Variants in BPIFB3 observed in about 807,000 individuals in gnomAD.
The protein encoded by BPIFB3 is BPI fold-containing family B member 3.
Under a neutral mutation model 53.1 loss-of-function variants are expected in BPIFB3, and 49 were observed. The ratio of observed to expected loss-of-function variants is 0.92; its 90% confidence interval spans 0.73 to 1.17. BPIFB3 has a LOEUF of 1.17. Among genes scored for constraint, BPIFB3 ranks in the 50% most tolerant of loss-of-function variants. The pLI, the probability that BPIFB3 is intolerant of heterozygous loss-of-function variation, is 0.00. For missense variants in BPIFB3, 628 were observed against 592.5 expected, an observed-to-expected ratio of 1.06 and a Z score of -0.62; for synonymous variants, 271 against 269.6, an observed-to-expected ratio of 1.01 and a Z score of -0.05.
In BPIFB3 at chr20:33,055,445, C is replaced by T. The variant is rs748321687; in HGVS notation, c.22C>T (p.Leu8=). Residue 8 remains leucine (L), a synonymous_variant, in exon 1 of 15, where the codon CTG becomes TTG. Coordinates refer to ENST00000375494, the Ensembl canonical transcript of BPIFB3. ...AGGCATGCAGCCAGTCATGCTGGCC[C>T]TGTGGTCCCTGCTTCTGCTCTGGGG... 5 of 1,613,702 alleles carry T rather than the reference C, an allele frequency of 3.1e-6. No individual in the cohort carries two copies. In the South Asian group the frequency reaches 5.5e-5, roughly 18 times the overall value.
Position 33,059,531 on chromosome 20 carries a change from C to T in BPIFB3, c.386+49C>T, listed in dbSNP as rs200639895. ...ACCCTCCTGCTTCCTATCCCACCCC[C>T]TGACCTGTTGGAGACTCCTACTCTG... is the stretch of plus-strand genomic sequence containing the variant. On this transcript the variant is annotated intron_variant, in intron 3 of 14. Coordinates refer to ENST00000375494, the Ensembl canonical transcript of BPIFB3. The T allele has an allele frequency of 1.4e-5, 20 of 1,399,006 alleles. No homozygotes were observed. The East Asian group carries it at 4.8e-4, about 33-fold the overall frequency. The allele number at this position is 1,399,006 out of a possible 1,614,324, so 86.7% of individuals were successfully genotyped here. A position where few individuals can be genotyped will look rare whatever the true frequency, so the allele number is the denominator to read the frequency against.
chr20:33,057,404 G>A (rs569705881), intron 2 of BPIFB3, among the ~76,000 whole-genome samples: 1 of 152,290 alleles, frequency 6.6e-6, no homozygotes, highest in South Asian at 2.1e-4. Context: ...GGTCAGGGTG[G>A]TCTTGAACTC....
At chr20:33,065,552 G>T (rs965521455) in intron 8 of BPIFB3, among the ~76,000 whole-genome samples, 62 of 125,840 alleles carry the variant, frequency 4.9e-4, no homozygotes, top group Admixed American at 4.9e-4. Context: ...AGGAGAGAAA[G>T]AAAAGAAAAA....
chr20:33,069,330 G>A (rs1290507333), intron 10 of BPIFB3, among the ~76,000 whole-genome samples: 3 of 151,932 alleles, frequency 2.0e-5, no homozygotes, highest in Admixed American at 6.6e-5. Context: ...TTCCTCCATC[G>A]CACCTCTGCA....
upstream of BPIFB3, among the ~76,000 whole-genome samples, chr20:33,053,977 T>G (rs940202322): frequency 6.6e-6 from 1 of 152,122 alleles, no homozygotes; most frequent in African/African-American, 2.4e-5. Flanking sequence ...TAAGACAGCC[T>G]GAGGCAGCCC....
chr20:33,067,023 C>A, intron 9 of BPIFB3, 146 bp downstream of exon 10: 1 of 802,686 alleles, frequency 1.2e-6, no homozygotes, highest in Non-Finnish European at 2.0e-6. Context: ...GAATGACTAA[C>A]ACGACATCCT....
chr20:33,069,169 C>T (rs1015912279), intron 10 of BPIFB3, among the ~76,000 whole-genome samples, 196 bp downstream of exon 11: 1 of 152,168 alleles, frequency 6.6e-6, no homozygotes, highest in Non-Finnish European at 1.5e-5. Flanking sequence ...TTCCTGCCTG[C>T]TCCCTCCTGT....
At chr20:33,068,263 GAAGCTGGC>G (rs1759067747) in intron 9 of BPIFB3, among the ~76,000 whole-genome samples, 1 of 152,248 alleles carries the variant, frequency 6.6e-6, no homozygotes, top group Admixed American at 6.5e-5. Context: ...ATGGAGTGGC[GAAGCTGGC>G]TTAGGAGTGC....
chr20:33,061,919 C>A, intron 5 of BPIFB3, 88 bp downstream of exon 6: 1 of 1,478,620 alleles, frequency 6.8e-7, no homozygotes, highest in South Asian at 1.2e-5. Context: ...TGGCGCCAGG[C>A]AGGATTAGGC....
upstream of BPIFB3, among the ~76,000 whole-genome samples, chr20:33,054,011 G>A (rs1355789426): frequency 1.3e-5 from 2 of 152,104 alleles, no homozygotes; most frequent in Non-Finnish European, 1.5e-5. Context: ...ACGCCCAGCC[G>A]TTGACCCCAC....
intron 11 of BPIFB3, 31 bp downstream of exon 12, chr20:33,069,986 T>A (rs1057124424): frequency 1.4e-5 from 23 of 1,609,702 alleles, no homozygotes; most frequent in Non-Finnish European, 1.9e-5. Context: ...CAGGATCTTG[T>A]TCTTGTCTTT....
At chr20:33,057,437 C>A (rs890190472) in intron 2 of BPIFB3, among the ~76,000 whole-genome samples, 4 of 58,690 alleles carry the variant, frequency 6.8e-5, no homozygotes, top group Non-Finnish European at 1.3e-4. Flanking sequence ...GATCTGCCTG[C>A]CTCGGCCTCC....
At chr20:33,064,973 C>A in intron 8 of BPIFB3, 128 bp downstream of exon 9, 3 of 1,058,960 alleles carry the variant, frequency 2.8e-6, no homozygotes, top group Non-Finnish European at 4.0e-6. Flanking sequence ...GGGAGTTGAA[C>A]AAGTTTAGAG....
intron 8 of BPIFB3, among the ~76,000 whole-genome samples, chr20:33,065,605 G>GGAAGGAAGGAAGGAAA (rs1980640466): frequency 9.0e-6 from 1 of 111,206 alleles, no homozygotes; most frequent in Non-Finnish European, 2.0e-5. Flanking sequence ...AAGGAAAGAA[G>GGAAGGAAGGAAGGAAA]GAAGGAAGGA....
chr20:33,066,231 G>T (rs1206019879), intron 8 of BPIFB3, among the ~76,000 whole-genome samples: 1 of 152,142 alleles, frequency 6.6e-6, no homozygotes, highest in Non-Finnish European at 1.5e-5. Flanking sequence ...GAGACCCTGT[G>T]CCCCATTTCT....
At chr20:33,054,296 C>A (rs940317487), upstream of BPIFB3, among the ~76,000 whole-genome samples, 2 of 152,064 alleles carry the variant, frequency 1.3e-5, no homozygotes, top group Non-Finnish European at 2.9e-5. Flanking sequence ...AGCAGGGACC[C>A]CTTCTGACAC....
At position 33,056,399 on chromosome 20, in the gene BPIFB3, G is replaced by T. The variant is rs112941464; in HGVS notation, c.125-143G>T. 2.0e-3 allele frequency: 2,221 copies of T among 1,131,334 alleles called. 24 individuals are homozygous for T. The African/African-American group carries it at 0.023, about 12-fold the overall frequency. 70.1% of individuals were successfully genotyped at this position (1,131,334 alleles called of 1,614,324 possible). On this transcript the variant is annotated intron_variant, in intron 1 of 14. Coordinates refer to ENST00000375494, the Ensembl canonical transcript of BPIFB3. The stretch of plus-strand genomic sequence containing the variant: ...GTAAGAGGCTGTTATGGCTTAGTGG[G>T]TTCCACCATTTGAGTGTAACCTCTG...
chr20:33,060,612 C>T (rs936904215), intron 4 of BPIFB3, among the ~76,000 whole-genome samples: 14 of 152,098 alleles, frequency 9.2e-5, no homozygotes, highest in African/African-American at 3.4e-4. Flanking sequence ...CTCTTTCACC[C>T]GGGCTGGAGT....
exon 4 of BPIFB3, chr20:33,059,931 G>T (rs766094109): frequency 6.2e-7 from 1 of 1,614,148 alleles, no homozygotes; most frequent in South Asian, 1.1e-5. Flanking sequence ...GGAGGTGAAC[G>T]TGACATCGCG....
Sources: gnomAD v4.1 joint callset for allele counts (sites outside exome capture counted in the v4.1 genomes callset) on GRCh38, gnomAD v4.1.1 for gene constraint, MANE v1.5 for transcripts, NCBI Gene and HGNC (gene_info 2026-07-23, HGNC 2026-07-21) for gene names.